COL15A1: variants seen among roughly 807,000 people sequenced by gnomAD.
COL15A1 encodes the protein collagen type XV alpha 1 chain, also known as collagen alpha-1(XV) chain.
A neutral mutation model predicts 165.9 loss-of-function variants in COL15A1; 111 were observed. That is an observed-to-expected ratio of 0.67 (90% CI 0.57 to 0.78). The LOEUF (loss-of-function observed/expected upper bound fraction) is 0.78. Among genes scored for constraint, COL15A1 ranks in the 30% least tolerant of loss-of-function variants. The probability of loss-of-function intolerance (pLI) is 0.00; values close to 1 mark genes in which losing one functional copy is unlikely to be tolerated. For synonymous variants in COL15A1, 659 were observed against 674.8 expected, an observed-to-expected ratio of 0.98 and a Z score of 0.36; for missense variants, 1,745 against 1,789.7, an observed-to-expected ratio of 0.98 and a Z score of 0.45.
At chr9:99,015,038 T>TA (rs765369771) in intron 9 of COL15A1, among the ~76,000 whole-genome samples, 2 of 152,198 alleles carry the variant, frequency 1.3e-5, no homozygotes, top group South Asian at 2.1e-4. Context: ...AGCTTTTTTT[T>TA]ATCTTAGTAG....
chr9:98,989,041 C>CACAT, intron 4 of COL15A1, 137 bp from the exon 5 acceptor site: 1 of 681,098 alleles, frequency 1.5e-6, no homozygotes, highest in Non-Finnish European at 2.7e-6. Flanking sequence ...CACACACACA[C>CACAT]ACACACACAC....
chr9:98,949,156 T>C (rs889572629), intron 2 of COL15A1, among the ~76,000 whole-genome samples: 11 of 152,218 alleles, frequency 7.2e-5, no homozygotes, highest in African/African-American at 2.7e-4. Flanking sequence ...AATCTATTCT[T>C]TCATGTCTGA....
chr9:98,997,494 C>G (rs1490629850), intron 6 of COL15A1, among the ~76,000 whole-genome samples: 2 of 152,242 alleles, frequency 1.3e-5, no homozygotes, highest in African/African-American at 2.4e-5. Flanking sequence ...CTCAGTAGCA[C>G]TAGCCACTAT....
intron 19 of COL15A1, 136 bp downstream of exon 19, chr9:99,035,554 T>C (rs1839287077): frequency 2.9e-6 from 3 of 1,033,882 alleles, no homozygotes; most frequent in Non-Finnish European, 4.3e-6. Context: ...AACTGTGCAA[T>C]AGGGAAATGA....
chr9:99,009,086 A>C (rs1172589224), intron 9 of COL15A1, among the ~76,000 whole-genome samples: 1 of 152,234 alleles, frequency 6.6e-6, no homozygotes, highest in Non-Finnish European at 1.5e-5. Context: ...TCAGCTCTTC[A>C]TGGGAGCCTT....
At chr9:99,066,012 T>C (rs1825885798) in intron 39 of COL15A1, among the ~76,000 whole-genome samples, 1 of 152,062 alleles carries the variant, frequency 6.6e-6, no homozygotes, top group Admixed American at 6.5e-5. Context: ...TCATGTCCTT[T>C]GGCTTAAGAT....
intron 2 of COL15A1, among the ~76,000 whole-genome samples, chr9:98,976,000 C>T (rs1356268591): frequency 2.0e-5 from 3 of 152,074 alleles, no homozygotes; most frequent in South Asian, 2.1e-4. Flanking sequence ...GAGGGTGTCT[C>T]GAGTAGAATT....
chr9:99,035,420 T>C lies in COL15A1; in HGVS notation c.2289+2T>C. 6.2e-7 allele frequency: 1 copy of C among 1,614,104 alleles called. No homozygotes were observed. The highest frequency in any genetic ancestry group is 1.7e-5 in the Admixed American group (1 of 60,036). Reference sequence around the variant, plus strand: ...CTCTCCAGACCAACGGCTGCAATTGTAGGTCGCCTCTGAAACCTTCATTAT... The same window carrying C: ...CTCTCCAGACCAACGGCTGCAATTGCAGGTCGCCTCTGAAACCTTCATTAT... On this transcript the variant is annotated splice_donor_variant, in intron 19 of 41. Transcript: ENST00000375001. LOFTEE classifies it high-confidence loss of function.
intron 8 of COL15A1, 135 bp from the exon 9 acceptor site, chr9:99,004,763 C>A: frequency 2.1e-6 from 2 of 940,250 alleles, no homozygotes; most frequent in Non-Finnish European, 1.7e-6. Flanking sequence ...TCTGATGTCT[C>A]ACTGTGGGTT....
chr9:99,000,927 C>T lies in COL15A1; in HGVS notation c.1041C>T (p.Ala347=). The change falls in exon 7 of 42, where the codon GCC becomes GCT. Residue 347 remains alanine, a synonymous_variant. Coordinates refer to ENST00000375001, the MANE Select transcript of COL15A1 (RefSeq NM_001855.5). ...PITDSGSGAG[A]FLDIAEEKNL... ...CTGACAGCGGCTCAGGGGCTGGGGCCTTCCTTGACATTGCTGAAGAAAAGG... is the reference window on the plus strand; with the variant it reads ...CTGACAGCGGCTCAGGGGCTGGGGCTTTCCTTGACATTGCTGAAGAAAAGG... The T allele has an allele frequency of 6.4e-7, 1 of 1,567,046 alleles. No homozygotes were observed. The highest frequency in any genetic ancestry group is 8.8e-7 in the Non-Finnish European group (1 of 1,137,024).
Position 99,069,992 on chromosome 9 carries a change from T to TTTACTACATA in COL15A1, c.*107_*108insTACTACATAT. The TTTACTACATA allele has an allele frequency of 1.1e-6, 1 of 937,184 alleles. No individual in the cohort carries two copies. Among genetic ancestry groups the TTTACTACATA allele is most frequent in the Non-Finnish European group, 1.6e-6 (1 of 641,776 alleles). 58.1% of individuals were successfully genotyped at this position (937,184 alleles called of 1,614,324 possible). On this transcript the variant is annotated 3_prime_UTR_variant, in exon 42 of 42. Transcript: ENST00000375001. ...TTGTAAATATTACAGTTTTTTTTTT[T>TTTACTACATA]TACTACATATTCTTTACAACAGCAA... is the stretch of plus-strand genomic sequence containing the variant.
At chr9:99,033,330 A>G (rs1353107586) in intron 16 of COL15A1, among the ~76,000 whole-genome samples, 2 of 152,040 alleles carry the variant, frequency 1.3e-5, no homozygotes, top group Admixed American at 1.3e-4. Flanking sequence ...CTTTAGCCCA[A>G]TAAACAACTG....
chr9:98,951,369 C>T (rs542488655), intron 2 of COL15A1, among the ~76,000 whole-genome samples: 5 of 152,114 alleles, frequency 3.3e-5, no homozygotes, highest in African/African-American at 9.7e-5. Context: ...AATCATGATG[C>T]TTCCTAGTAT....
At chr9:99,061,493 T>C (rs1211780169) in intron 36 of COL15A1, among the ~76,000 whole-genome samples, 1 of 152,222 alleles carries the variant, frequency 6.6e-6, no homozygotes, top group Non-Finnish European at 1.5e-5. Context: ...AAAAAAGATT[T>C]AAGACCTTAA....
At chr9:98,980,243 A>G (rs1410013204) in intron 2 of COL15A1, among the ~76,000 whole-genome samples, 1 of 152,084 alleles carries the variant, frequency 6.6e-6, no homozygotes, top group Non-Finnish European at 1.5e-5. Flanking sequence ...TGGGTTGGTT[A>G]CTGGGAAGAC....
chr9:99,042,646 A>G (rs1839428229), intron 24 of COL15A1, among the ~76,000 whole-genome samples: 1 of 152,248 alleles, frequency 6.6e-6, no homozygotes, highest in Admixed American at 6.5e-5. Context: ...AAGCATGTAT[A>G]ATTAATGAGT....
chr9:99,045,064 G>A (rs980198389), intron 26 of COL15A1, among the ~76,000 whole-genome samples: 4 of 152,174 alleles, frequency 2.6e-5, no homozygotes, highest in South Asian at 2.1e-4. Flanking sequence ...CTGTGATTCT[G>A]CCATCTTGTG....
chr9:98,988,741 G>T (rs2118896557), intron 4 of COL15A1, among the ~76,000 whole-genome samples: 1 of 152,144 alleles, frequency 6.6e-6, no homozygotes, highest in South Asian at 2.1e-4. Flanking sequence ...TGGCCAACAT[G>T]GTGAAACCCC....
At chr9:98,983,157 G>A (rs1838257276) in intron 2 of COL15A1, among the ~76,000 whole-genome samples, 2 of 152,066 alleles carry the variant, frequency 1.3e-5, no homozygotes, top group East Asian at 3.8e-4. Context: ...CATAATAATT[G>A]AGGTTAGTAC....
Sources: allele counts gnomAD v4.1 joint callset (sites outside exome capture counted in the v4.1 genomes callset), GRCh38; gene constraint gnomAD v4.1.1; transcripts MANE v1.5; gene names NCBI Gene and HGNC (gene_info 2026-07-23, HGNC 2026-07-21).